The following FBN2 variants were observed in gnomAD, a reference collection of about 807,000 sequenced individuals.
The protein encoded by FBN2 is fibrillin 2.
A neutral mutation model predicts 355.6 loss-of-function variants in FBN2; 105 were observed. That is an observed-to-expected ratio of 0.30 (90% CI 0.25 to 0.35). FBN2 has a LOEUF of 0.35. Ranked by LOEUF, FBN2 falls within the 10% of genes least tolerant of loss-of-function variation. The pLI, the probability that FBN2 is intolerant of heterozygous loss-of-function variation, is 1.00. For synonymous variants in FBN2, 1,350 were observed against 1,301.2 expected, an observed-to-expected ratio of 1.04 and a Z score of -0.81; for missense variants, 3,280 against 3,758.7, an observed-to-expected ratio of 0.87 and a Z score of 3.33.
intron 39 of FBN2, among the ~76,000 whole-genome samples, 187 bp from the exon 40 acceptor site, chr5:128,310,295 T>A (rs1195002263): frequency 6.9e-6 from 1 of 144,514 alleles, no homozygotes; most frequent in African/African-American, 2.6e-5. Flanking sequence ...AAGAAAAAAA[T>A]CCCCATATTA....
chr5:128,493,595 G>A (rs756381199), intron 5 of FBN2, among the ~76,000 whole-genome samples: 14 of 152,062 alleles, frequency 9.2e-5, no homozygotes, highest in Non-Finnish European at 2.1e-4. Context: ...AGAAATGTGG[G>A]CTTTATTATA....
intron 25 of FBN2, among the ~76,000 whole-genome samples, chr5:128,341,897 T>G (rs2126908289): frequency 6.6e-6 from 1 of 152,294 alleles, no homozygotes; most frequent in South Asian, 2.1e-4. Flanking sequence ...TTCGCATAAC[T>G]TTTTCACTTT....
At chr5:128,425,743 G>C (rs749857198) in intron 7 of FBN2, among the ~76,000 whole-genome samples, 5 of 152,104 alleles carry the variant, frequency 3.3e-5, no homozygotes, top group Non-Finnish European at 5.9e-5. Context: ...ATTAGCCTCT[G>C]TGTTTTTCAC....
chr5:128,494,977 C>G (rs1755616441), intron 5 of FBN2, among the ~76,000 whole-genome samples: 1 of 152,146 alleles, frequency 6.6e-6, no homozygotes, highest in South Asian at 2.1e-4. Context: ...CCAGCCTTAA[C>G]AGACAAATAC....
intron 34 of FBN2, among the ~76,000 whole-genome samples, chr5:128,326,328 G>A (rs1162970130): frequency 2.6e-5 from 4 of 152,172 alleles, no homozygotes; most frequent in African/African-American, 9.7e-5. Flanking sequence ...GAGCTCCTCT[G>A]GGCTCTATGT....
In FBN2 at chr5:128,335,651, A is replaced by G. The variant is rs1178809320; in HGVS notation, c.3725-74T>C. On this transcript the variant is annotated intron_variant, in intron 28 of 64. Transcript: ENST00000262464. The stretch of plus-strand genomic sequence containing the variant: ...GGAGTTTTCTTCTTTTTAAACAGAT[A>G]ATGCTAATGTGGCTTTGAATTTTTC... The G allele has an allele frequency of 1.9e-6, 3 of 1,561,166 alleles. No individual in the cohort carries two copies. The African/African-American group carries it at 4.1e-5, about 21-fold the overall frequency.
intron 7 of FBN2, among the ~76,000 whole-genome samples, chr5:128,431,506 A>G (rs62391604): frequency 0.17 from 25,574 of 152,228 alleles, 2,256 homozygotes; most frequent in Non-Finnish European, 0.21. Flanking sequence ...TTTGAGGTAC[A>G]ACAGCAAAAC....
rs1043104562 is a variant in FBN2 at position 128,289,238 on chromosome 5, G to A, written c.6526C>T (p.Leu2176Phe). ...HDTREDVNECLESPGICSNGQ... is the reference protein window; with the variant it reads ...HDTREDVNECFESPGICSNGQ... ...TTTGAACAAATGCCTGGGCTCTCAA[G>A]ACACTCATTGACATCTAAAATATAG... The change falls in exon 52 of 65, where the codon CTT (leucine) becomes TTT (phenylalanine). Residue 2176 changes from leucine (L) to phenylalanine (F), a missense_variant. Physicochemically the swap from Leu to Phe is conservative, Grantham distance 22. This residue lies in a region of FBN2 where 2,284 missense variants were observed against 2,749.5 expected (regional missense o/e 0.83). Coordinates refer to ENST00000262464, the MANE Select transcript of FBN2 (RefSeq NM_001999.4). 1 of 1,613,832 alleles carries A rather than the reference G, an allele frequency of 6.2e-7. No homozygotes were observed. Among genetic ancestry groups the A allele is most frequent in the African/African-American group, 1.3e-5 (1 of 74,908 alleles).
intron 5 of FBN2, among the ~76,000 whole-genome samples, chr5:128,516,503 T>C (rs1381030944): frequency 1.3e-5 from 2 of 152,040 alleles, no homozygotes; most frequent in East Asian, 1.9e-4. Context: ...ATGCCAGCCA[T>C]TGGTTACTAC....
intron 5 of FBN2, among the ~76,000 whole-genome samples, chr5:128,507,668 T>C (rs551479409): frequency 1.3e-5 from 2 of 152,172 alleles, no homozygotes; most frequent in East Asian, 3.9e-4. Context: ...TGCTTTTGAG[T>C]TGTTCATTAT....
chr5:128,316,910 T>C (rs1002610126), intron 36 of FBN2, among the ~76,000 whole-genome samples: 3 of 152,198 alleles, frequency 2.0e-5, no homozygotes, highest in African/African-American at 7.2e-5. Flanking sequence ...TCAATATCTT[T>C]TCCAGGTTCT....
At chr5:128,336,171 G>A (rs148470209) in intron 27 of FBN2, 58 bp from the exon 28 acceptor site, 1 of 1,571,612 alleles carries the variant, frequency 6.4e-7, no homozygotes, top group Non-Finnish European at 8.7e-7. Flanking sequence ...AAAGCCATCA[G>A]AAAGGTGCTT....
chr5:128,408,558 C>T (rs1279532147), intron 8 of FBN2, 116 bp downstream of exon 8: 3 of 1,238,838 alleles, frequency 2.4e-6, no homozygotes, highest in East Asian at 2.4e-5. Context: ...TTACATTAAA[C>T]AACTCATTCA....
At chr5:128,408,529 C>T in intron 8 of FBN2, 145 bp downstream of exon 8, 1 of 945,238 alleles carries the variant, frequency 1.1e-6, no homozygotes, top group Non-Finnish European at 1.7e-6. Context: ...GTCTATCAAT[C>T]CCTCAATACT....
rs754533190 is a variant in FBN2 at position 128,374,709 on chromosome 5, G to A, written c.2014C>T (p.His672Tyr). 3.7e-6 allele frequency: 6 copies of A among 1,613,878 alleles called. No individual in the cohort carries two copies. In the Admixed American group the frequency reaches 8.3e-5, roughly 22 times the overall value. The change falls in exon 15 of 65, where the codon CAC (histidine) becomes TAC (tyrosine). Residue 672 changes from histidine to tyrosine, a missense_variant. By Grantham distance (83) the His-to-Tyr change is moderately conservative. This residue lies in a region of FBN2 where 2,284 missense variants were observed against 2,749.5 expected (regional missense o/e 0.83). Coordinates refer to ENST00000262464, the MANE Select transcript of FBN2 (RefSeq NM_001999.4). ...CQTPGICMNG[H>Y]CINSEGSFRC... ...AAGGACCCTTCACTGTTGATGCAGTGCCCATTCATGCAGATTCCTGGGGTC... is the reference window on the plus strand; with the variant it reads ...AAGGACCCTTCACTGTTGATGCAGTACCCATTCATGCAGATTCCTGGGGTC...
intron 7 of FBN2, among the ~76,000 whole-genome samples, chr5:128,426,032 A>C (rs912967906): frequency 4.6e-5 from 7 of 152,040 alleles, no homozygotes; most frequent in Non-Finnish European, 8.8e-5. Context: ...GGGAGAAGTC[A>C]CTCCTAATGC....
intron 19 of FBN2, among the ~76,000 whole-genome samples, chr5:128,359,634 A>G (rs1306104046): frequency 5.3e-5 from 8 of 152,120 alleles, no homozygotes; most frequent in African/African-American, 1.9e-4. Flanking sequence ...TATGAATGAC[A>G]GACATAAAAT....
chr5:128,484,456 C>T (rs1340514318), intron 5 of FBN2, among the ~76,000 whole-genome samples: 3 of 152,116 alleles, frequency 2.0e-5, no homozygotes, highest in Non-Finnish European at 4.4e-5. Context: ...CACAAGGAAG[C>T]ATGCAAATCA....
At chr5:128,411,235 C>T (rs777117686) in intron 7 of FBN2, among the ~76,000 whole-genome samples, 1 of 152,176 alleles carries the variant, frequency 6.6e-6, no homozygotes, top group African/African-American at 2.4e-5. Flanking sequence ...ACCTGTGGAG[C>T]CCCAGAAGGT....
Sources: gnomAD v4.1 joint callset for allele counts (sites outside exome capture counted in the v4.1 genomes callset) on GRCh38, gnomAD v4.1.1 for gene constraint, gnomAD v4.1.1 regional missense constraint, MANE v1.5 for transcripts, NCBI Gene and HGNC (gene_info 2026-07-23, HGNC 2026-07-21) for gene names.